The following ANKRD30BL variants were observed in gnomAD, a reference collection of about 807,000 sequenced individuals.
The protein encoded by ANKRD30BL is putative ankyrin repeat domain-containing protein 30B-like.
A neutral mutation model predicts 18.4 loss-of-function variants in ANKRD30BL; 20 were observed. The ratio of observed to expected loss-of-function variants is 1.09; its 90% CI spans 0.77 to 1.58. ANKRD30BL has a LOEUF of 1.58. Ranked by LOEUF, ANKRD30BL falls within the 40% of genes most tolerant of loss-of-function variation. ANKRD30BL has a pLI of 0.00. For missense variants in ANKRD30BL, 224 were observed against 268.6 expected, an observed-to-expected ratio of 0.83 and a Z score of 1.16; for synonymous variants, 72 against 100.9, an observed-to-expected ratio of 0.71 and a Z score of 1.72.
intron 1 of ANKRD30BL, among the ~76,000 whole-genome samples, chr2:132,191,737 A>ATTTT (rs777830399): frequency 1.9e-4 from 21 of 111,892 alleles, no homozygotes; most frequent in African/African-American, 5.8e-4. Context: ...ATGGAGTTTG[A>ATTTT]TTTTTTTTTT....
At chr2:132,211,271 G>C (rs890906193) in intron 1 of ANKRD30BL, among the ~76,000 whole-genome samples, 1 of 152,042 alleles carries the variant, frequency 6.6e-6, no homozygotes, top group African/African-American at 2.4e-5. Context: ...TCTTTGGGGT[G>C]TGTGCATTCA....
At chr2:132,248,591 C>T (rs1680566282) in intron 1 of ANKRD30BL, among the ~76,000 whole-genome samples, 1 of 152,046 alleles carries the variant, frequency 6.6e-6, no homozygotes, top group South Asian at 2.1e-4. Context: ...CTGAAATCTT[C>T]TGTCTAGTTT....
chr2:132,172,552 C>T (rs1361101111), intron 1 of ANKRD30BL, among the ~76,000 whole-genome samples: 1 of 152,062 alleles, frequency 6.6e-6, no homozygotes, highest in African/African-American at 2.4e-5. Flanking sequence ...AAGTCCTTTG[C>T]CTATTTAAAA....
At chr2:132,193,315 G>A (rs900783090) in intron 1 of ANKRD30BL, among the ~76,000 whole-genome samples, 11 of 152,222 alleles carry the variant, frequency 7.2e-5, no homozygotes, top group African/African-American at 2.2e-4. Context: ...TTTCAACAGC[G>A]TAAATCAATA....
At chr2:132,226,172 G>A (rs1037133855) in intron 1 of ANKRD30BL, among the ~76,000 whole-genome samples, 8 of 151,562 alleles carry the variant, frequency 5.3e-5, no homozygotes, top group African/African-American at 1.5e-4. Flanking sequence ...CGTTGGAAAC[G>A]GGAATATCTT....
rs1687940827 is a variant in ANKRD30BL, at chr2:132,157,407, C to CCCAG, written c.231_234dup (p.Ala79LeufsTer17). 1 of 743,484 alleles carries CCCAG rather than the reference C, an allele frequency of 1.3e-6. No individual in the cohort carries two copies. The highest frequency in any genetic ancestry group is 1.7e-5 in the African/African-American group (1 of 58,514). 46.1% of individuals were successfully genotyped at this position (743,484 alleles called of 1,614,324 possible). A position where few individuals can be genotyped will look rare whatever the true frequency, so the allele number is the denominator to read the frequency against. On this transcript the variant is annotated frameshift_variant, in exon 2 of 6. Coordinates refer to ENST00000409867, the MANE Select transcript of ANKRD30BL (RefSeq NM_001358416.1). LOFTEE classifies it high-confidence loss of function. Reference sequence around the variant, plus strand: ...ACTTCTGCATGGCCATTGGCACAGGCCCAGTATAGAGCAGTCCTACAAGAA... The same window carrying CCCAG: ...ACTTCTGCATGGCCATTGGCACAGGCCCAGCCAGTATAGAGCAGTCCTACAAGAA...
upstream of ANKRD30BL, among the ~76,000 whole-genome samples, chr2:132,166,521 T>A (rs556375758): frequency 7.4e-4 from 112 of 152,280 alleles, no homozygotes; most frequent in South Asian, 2.1e-3. Context: ...TTTGTGAGTA[T>A]TGGCATATTG....
chr2:132,211,667 C>A (rs1376554504), intron 1 of ANKRD30BL, among the ~76,000 whole-genome samples: 2 of 151,942 alleles, frequency 1.3e-5, no homozygotes, highest in African/African-American at 2.4e-5. Flanking sequence ...AGTTTTGAAA[C>A]CCTCTTCTTG....
intron 1 of ANKRD30BL, among the ~76,000 whole-genome samples, chr2:132,177,696 T>C (rs560259776): frequency 6.6e-6 from 1 of 152,340 alleles, no homozygotes; most frequent in African/African-American, 2.4e-5. Context: ...TGGATTTCAA[T>C]ATAGCATTTT....
At position 132,154,681 on chromosome 2, in the gene ANKRD30BL, C is replaced by T. The variant is rs757069811; in HGVS notation, c.595G>A (p.Ala199Thr). The change falls in exon 4 of 6, where the codon GCA becomes ACA. Residue 199 changes from alanine (A) to threonine (T), a missense_variant. Around this residue, in one of 3 missense-constraint regions of ANKRD30BL, gnomAD observed 63 missense variants for 62.3 expected, o/e 1.01. Transcript: ENST00000409867. ...CTATACCATTTAAACTTATCAACTG[C>T]ATTTGCATTTGCATTTTTTGTCAGT... is the stretch of plus-strand genomic sequence containing the variant. ...FLLTKNANAN[A>T]VDKFKCVHQQ... The T allele has an allele frequency of 4.1e-6, 3 of 723,358 alleles. No individual in the cohort carries two copies. The East Asian group carries it at 7.9e-5, about 19-fold the overall frequency. The allele number at this position is 723,358 out of a possible 1,614,324, so 44.8% of individuals were successfully genotyped here.
chr2:132,220,697 G>A lies in ANKRD30BL; in HGVS notation n.441+36832C>T, dbSNP rs1041203896. On this transcript the variant is annotated intron_variant and non_coding_transcript_variant, in intron 1 of 4. Transcript: ENST00000470729. ...GGGGCCAAGGCTGGAGTGCAGTGGC[G>A]TGATCTCGGCTCGCTACAACCTCCA... Among the ~76,000 whole-genome samples, 19 of 152,220 alleles carry A rather than the reference G, an allele frequency of 1.2e-4. No homozygotes were observed. The East Asian group carries it at 1.4e-3, about 11-fold the overall frequency.
At chr2:132,235,997 A>T (rs1047688355) in intron 1 of ANKRD30BL, among the ~76,000 whole-genome samples, 2 of 152,160 alleles carry the variant, frequency 1.3e-5, no homozygotes, top group Non-Finnish European at 2.9e-5. Context: ...AGAGATATAG[A>T]TCAATGGAAC....
chr2:132,181,371 G>A (rs552595238), intron 1 of ANKRD30BL, among the ~76,000 whole-genome samples: 20 of 151,982 alleles, frequency 1.3e-4, no homozygotes, highest in Non-Finnish European at 2.6e-4. Flanking sequence ...CTACCTGAGA[G>A]GCTGAGCATG....
At chr2:132,153,937 T>C (rs1687834181) in intron 4 of ANKRD30BL, among the ~76,000 whole-genome samples, 1 of 152,232 alleles carries the variant, frequency 6.6e-6, no homozygotes, top group African/African-American at 2.4e-5. Flanking sequence ...AAATACGTTC[T>C]GTTCACTAAT....
At chr2:132,226,999 G>T (rs1397768694) in intron 1 of ANKRD30BL, among the ~76,000 whole-genome samples, 1 of 151,610 alleles carries the variant, frequency 6.6e-6, no homozygotes, top group Non-Finnish European at 1.5e-5. Context: ...GTGGACATTT[G>T]GAGTGCTTTG....
At chr2:132,221,142 G>A (rs1242734149) in intron 1 of ANKRD30BL, among the ~76,000 whole-genome samples, 1 of 147,218 alleles carries the variant, frequency 6.8e-6, no homozygotes, top group African/African-American at 2.7e-5. Flanking sequence ...CCCCGTCTGG[G>A]AAGTGAGGAG....
chr2:132,167,578 G>A (rs554569996), intron 1 of ANKRD30BL, among the ~76,000 whole-genome samples: 3 of 152,182 alleles, frequency 2.0e-5, no homozygotes, highest in South Asian at 4.2e-4. Context: ...CAAAGTGCTG[G>A]AATTACTGGC....
chr2:132,241,994 G>A (rs1450542666), intron 1 of ANKRD30BL, among the ~76,000 whole-genome samples: 2 of 151,536 alleles, frequency 1.3e-5, no homozygotes, highest in Non-Finnish European at 3.0e-5. Flanking sequence ...CATTTGGTGT[G>A]ATTTGAGACC....
intron 1 of ANKRD30BL, among the ~76,000 whole-genome samples, chr2:132,255,763 C>A (rs1265433290): frequency 2.0e-5 from 3 of 152,146 alleles, no homozygotes; most frequent in Admixed American, 6.5e-5. Flanking sequence ...GGCTCCTTCT[C>A]CAGAATTGAA....
Sources: allele counts gnomAD v4.1 joint callset (sites outside exome capture counted in the v4.1 genomes callset), GRCh38; gene constraint gnomAD v4.1.1; regional missense constraint gnomAD v4.1.1; transcripts MANE v1.5; gene names NCBI Gene and HGNC (gene_info 2026-07-23, HGNC 2026-07-21).